The following CYFIP2 variants were observed in gnomAD, a reference collection of about 807,000 sequenced individuals.
CYFIP2 encodes the protein cytoplasmic FMR1 interacting protein 2.
CYFIP2 carries 29 observed loss-of-function variants against 158.7 expected under a neutral mutation model. That is an observed-to-expected ratio of 0.18 (90% CI 0.14 to 0.25). CYFIP2 has a LOEUF of 0.25. Ranked by LOEUF, CYFIP2 falls within the 10% of genes least tolerant of loss-of-function variation. The pLI is 1.00. For synonymous variants in CYFIP2, 585 were observed against 617.6 expected, an observed-to-expected ratio of 0.95 and a Z score of 0.78; for missense variants, 852 against 1,639.5, an observed-to-expected ratio of 0.52 and a Z score of 8.29.
At chr5:157,366,376 C>T (rs1415918628) in intron 26 of CYFIP2, among the ~76,000 whole-genome samples, 1 of 152,140 alleles carries the variant, frequency 6.6e-6, no homozygotes, top group Non-Finnish European at 1.5e-5. Flanking sequence ...GTTCTTGAGG[C>T]TTAGTGTAGT....
chr5:157,315,480 A>G (rs1162793166), intron 13 of CYFIP2, among the ~76,000 whole-genome samples: 1 of 152,228 alleles, frequency 6.6e-6, no homozygotes, highest in Non-Finnish European at 1.5e-5. Context: ...TGACAGCTGG[A>G]TGATGCCTGT....
Position 157,319,834 on chromosome 5 carries a change from A to C in CYFIP2, c.1429A>C (p.Asn477His). The C allele has an allele frequency of 6.2e-7, 1 of 1,614,112 alleles. No individual in the cohort carries two copies. Among genetic ancestry groups the C allele is most frequent in the Non-Finnish European group, 8.5e-7 (1 of 1,179,946 alleles). Reference sequence around the variant, plus strand: ...GAGCGTCTTCAACCAGGCCATCAGGAACACCATCTACGCGGCATTGCAGGA... The same window carrying C: ...GAGCGTCTTCAACCAGGCCATCAGGCACACCATCTACGCGGCATTGCAGGA... Reference protein sequence around the residue: ...MESVFNQAIRNTIYAALQDFA... With the variant: ...MESVFNQAIRHTIYAALQDFA... The change falls in exon 14 of 31, where the codon AAC becomes CAC. Residue 477 changes from asparagine to histidine, a missense_variant. Coordinates refer to ENST00000620254, the MANE Select transcript of CYFIP2 (RefSeq NM_001037333.3).
chr5:157,303,063 C>T, intron 7 of CYFIP2, 173 bp downstream of exon 7: 1 of 570,564 alleles, frequency 1.8e-6, no homozygotes. Context: ...CCTCCCAACC[C>T]CAGGTGGCCG....
intron 23 of CYFIP2, among the ~76,000 whole-genome samples, chr5:157,351,135 G>C (rs147863776): frequency 2.0e-5 from 3 of 151,948 alleles, no homozygotes; most frequent in Non-Finnish European, 4.4e-5. Flanking sequence ...TCCAGTTCTC[G>C]GGGGAAATTC....
intron 26 of CYFIP2, among the ~76,000 whole-genome samples, chr5:157,380,646 C>A (rs908454159): frequency 6.6e-6 from 1 of 152,126 alleles, no homozygotes; most frequent in Non-Finnish European, 1.5e-5. Flanking sequence ...GAATACAGAG[C>A]AAAAATCCTC....
intron 26 of CYFIP2, among the ~76,000 whole-genome samples, chr5:157,368,857 C>A (rs1164524075): frequency 6.6e-6 from 1 of 151,920 alleles, no homozygotes; most frequent in Non-Finnish European, 1.5e-5. Context: ...CCCTCCAAGC[C>A]CTCCAGTGGT....
At chr5:157,382,506 C>G (rs1332385370) in intron 26 of CYFIP2, 84 bp from the exon 27 acceptor site, 1 of 1,440,748 alleles carries the variant, frequency 6.9e-7, no homozygotes, top group African/African-American at 1.4e-5. Flanking sequence ...CTAGCTAACT[C>G]CAGTGCTCAG....
At position 157,266,226 on chromosome 5, in the gene CYFIP2, C is replaced by G. The variant is rs1337826800; in HGVS notation, c.-24+31C>G. On this transcript the variant is annotated intron_variant, in intron 1 of 30. Transcript: ENST00000620254. This position sits in a 1 kb window ranked among gnomAD's most constrained non-coding sequence, Gnocchi z 4.2. ...CGGCCCTCGCAGGCCTCGGGCCGGGCACGGGGACTAGGATGCCGCCGGGGA... is the reference window on the plus strand; with the variant it reads ...CGGCCCTCGCAGGCCTCGGGCCGGGGACGGGGACTAGGATGCCGCCGGGGA... 1 of 150,916 alleles carries G rather than the reference C, an allele frequency of 6.6e-6. No individual in the cohort carries two copies. Among genetic ancestry groups the G allele is most frequent in the Non-Finnish European group, 1.5e-5 (1 of 67,606 alleles). The allele number at this position is 150,916 out of a possible 1,614,324, so 9.3% of individuals were successfully genotyped here. A position where few individuals can be genotyped will look rare whatever the true frequency, so the allele number is the denominator to read the frequency against.
chr5:157,297,242 G>T (rs546649536), intron 5 of CYFIP2, among the ~76,000 whole-genome samples: 150 of 152,324 alleles, frequency 9.8e-4, no homozygotes, highest in African/African-American at 3.3e-3. Flanking sequence ...GAAGGAGCTT[G>T]CTGTGTTTAA....
chr5:157,346,403 C>T (rs1168665040), intron 23 of CYFIP2, among the ~76,000 whole-genome samples: 1 of 152,128 alleles, frequency 6.6e-6, no homozygotes, highest in Non-Finnish European at 1.5e-5. Context: ...ATGAAATCTT[C>T]CTGGATTTAA....
chr5:157,306,861 G>C (rs1759270453), intron 8 of CYFIP2, among the ~76,000 whole-genome samples: 1 of 151,738 alleles, frequency 6.6e-6, no homozygotes, highest in African/African-American at 2.4e-5. Context: ...CAGCCCGGGT[G>C]GGGTGGGGTA....
Position 157,389,633 on chromosome 5 carries a change from C to A in CYFIP2, c.3446+206C>A, listed in dbSNP as rs776813779. 222 of 557,408 alleles carry A rather than the reference C, an allele frequency of 4.0e-4. 2 individuals carry two copies. The highest frequency in any genetic ancestry group is 2.9e-3 in the Middle Eastern group (6 of 2,100). The allele number at this position is 557,408 out of a possible 1,614,324, so 34.5% of individuals were successfully genotyped here. ...AGTAAGACCCTCACTGCCTGCCTCA[C>A]CCCCACTACACTGTACTACTGGAAA... On this transcript the variant is annotated intron_variant, in intron 29 of 30. Coordinates refer to ENST00000620254, the MANE Select transcript of CYFIP2 (RefSeq NM_001037333.3).
chr5:157,307,736 A>G (rs757856477), intron 8 of CYFIP2, 25 bp from the exon 9 acceptor site: 47 of 1,483,128 alleles, frequency 3.2e-5, no homozygotes, highest in Non-Finnish European at 4.3e-5. Context: ...ATTAGTTTCT[A>G]TGCTCTGCCC....
At chr5:157,341,291 C>G (rs528406482) in intron 23 of CYFIP2, 134 bp downstream of exon 23, 1 of 780,034 alleles carries the variant, frequency 1.3e-6, no homozygotes, top group East Asian at 2.7e-5. Context: ...TGGCTCATAC[C>G]TTTAATCCCA....
intron 20 of CYFIP2, among the ~76,000 whole-genome samples, chr5:157,332,669 G>T (rs555169643): frequency 6.6e-6 from 1 of 152,190 alleles, no homozygotes; most frequent in South Asian, 2.1e-4. Flanking sequence ...TAAGAGACAG[G>T]GTCTCTTTCT....
chr5:157,319,007 T>C (rs964598257), intron 13 of CYFIP2, among the ~76,000 whole-genome samples: 7 of 152,192 alleles, frequency 4.6e-5, no homozygotes, highest in African/African-American at 1.7e-4. Flanking sequence ...GCAAAGCAGC[T>C]GCATAGATAC....
At chr5:157,352,351 A>G (rs1173306890) in intron 23 of CYFIP2, among the ~76,000 whole-genome samples, 2 of 152,188 alleles carry the variant, frequency 1.3e-5, no homozygotes, top group African/African-American at 4.8e-5. Flanking sequence ...GCTTTGCTGC[A>G]GCAAGCTGGG....
chr5:157,292,569 G>A (rs1224540996), intron 3 of CYFIP2, among the ~76,000 whole-genome samples: 1 of 152,118 alleles, frequency 6.6e-6, no homozygotes, highest in Non-Finnish European at 1.5e-5. Flanking sequence ...TTGGTAGTTC[G>A]TTACTTTGTA....
chr5:157,316,094 AAAAT>A (rs1760120765), intron 13 of CYFIP2, among the ~76,000 whole-genome samples: 1 of 152,180 alleles, frequency 6.6e-6, no homozygotes, highest in Non-Finnish European at 1.5e-5. Flanking sequence ...TGTCTTAAAA[AAAAT>A]AAATAAATAA....
Sources: gnomAD v4.1 joint callset for allele counts (sites outside exome capture counted in the v4.1 genomes callset) on GRCh38, gnomAD v4.1.1 for gene constraint, Gnocchi (gnomAD v3.1) non-coding constraint, MANE v1.5 for transcripts, NCBI Gene and HGNC (gene_info 2026-07-23, HGNC 2026-07-21) for gene names.